The following LDB2 variants were observed in gnomAD, a reference collection of about 807,000 sequenced individuals.
LDB2 encodes LIM domain-binding protein 2.
Under a neutral mutation model 44.3 loss-of-function variants are expected in LDB2, and 12 were observed. The ratio of observed to expected loss-of-function variants is 0.27; its 90% confidence interval spans 0.17 to 0.44. The LOEUF is 0.44. Among genes scored for constraint, LDB2 ranks in the 20% least tolerant of loss-of-function variants. LDB2 has a pLI of 1.00. For missense variants in LDB2, 344 were observed against 473.5 expected (o/e 0.73, Z 2.54); for synonymous variants, 164 against 174.8 (o/e 0.94, Z 0.49).
chr4:16,638,753 G>A (rs1734313823), intron 2 of LDB2, among the ~76,000 whole-genome samples: 1 of 152,142 alleles, frequency 6.6e-6, no homozygotes, highest in South Asian at 2.1e-4. Flanking sequence ...CATAAAGGTA[G>A]GCACCTCACT....
intron 5 of LDB2, among the ~76,000 whole-genome samples, chr4:16,578,363 G>A (rs1443539500): frequency 6.6e-6 from 1 of 152,050 alleles, no homozygotes; most frequent in Non-Finnish European, 1.5e-5. Flanking sequence ...TACAGGAAAA[G>A]ATCTGATAAT....
intron 2 of LDB2, among the ~76,000 whole-genome samples, chr4:16,742,313 G>A (rs552196934): frequency 9.9e-5 from 15 of 152,000 alleles, no homozygotes; most frequent in Non-Finnish European, 1.0e-4. Flanking sequence ...CTTGTGATCC[G>A]CCCACCTTGG....
At chr4:16,843,410 G>A (rs150910302) in intron 1 of LDB2, among the ~76,000 whole-genome samples, 91 of 152,216 alleles carry the variant, frequency 6.0e-4, no homozygotes, top group African/African-American at 2.1e-3. Context: ...ACAACAAACA[G>A]TTGTAAATGA....
chr4:16,672,364 A>T (rs761302324), intron 2 of LDB2, among the ~76,000 whole-genome samples: 29 of 152,270 alleles, frequency 1.9e-4, no homozygotes, highest in Non-Finnish European at 3.2e-4. Flanking sequence ...AGGTTGCAGG[A>T]AGGGAACAGA....
intron 2 of LDB2, among the ~76,000 whole-genome samples, chr4:16,743,309 A>G (rs772097227): frequency 6.6e-6 from 1 of 151,982 alleles, no homozygotes; most frequent in African/African-American, 2.4e-5. Flanking sequence ...GCTTGTCAGG[A>G]TGTCTCATAT....
chr4:16,611,911 A>G (rs1160340598), intron 2 of LDB2, among the ~76,000 whole-genome samples: 1 of 152,214 alleles, frequency 6.6e-6, no homozygotes, highest in Non-Finnish European at 1.5e-5. Context: ...TAGAATATAC[A>G]TTCTTCTCAA....
chr4:16,610,164 T>C (rs10012468), intron 2 of LDB2, among the ~76,000 whole-genome samples: 151,508 of 151,996 alleles, frequency 1, 75,516 homozygotes, highest in Middle Eastern at 1. Flanking sequence ...GTGGCAACAA[T>C]AGCATCAACA....
intron 1 of LDB2, among the ~76,000 whole-genome samples, chr4:16,863,911 C>G (rs1023558873): frequency 3.3e-5 from 5 of 152,126 alleles, no homozygotes; most frequent in Non-Finnish European, 7.3e-5. Context: ...CCGCCCGCCT[C>G]GGCTTCCCGA....
At chr4:16,558,236 A>AAGGCTTC in intron 5 of LDB2, among the ~76,000 whole-genome samples, 1 of 152,330 alleles carries the variant, frequency 6.6e-6, no homozygotes, top group African/African-American at 2.4e-5. Context: ...CTGAGAGAAG[A>AAGGCTTC]AGGCTTCAGA....
chr4:16,824,110 C>T (rs1177603475), intron 1 of LDB2, among the ~76,000 whole-genome samples: 1 of 152,176 alleles, frequency 6.6e-6, no homozygotes, highest in Non-Finnish European at 1.5e-5. Flanking sequence ...AAGACACTAC[C>T]ATTCGCCACT....
At chr4:16,637,299 A>ATTTTTTTTTTGTTT (rs1733863273) in intron 2 of LDB2, among the ~76,000 whole-genome samples, 1 of 85,482 alleles carries the variant, frequency 1.2e-5, no homozygotes, top group African/African-American at 4.9e-5. Context: ...GCCTAGGCTG[A>ATTTTTTTTTTGTTT]TTTTTTTTTT....
intron 5 of LDB2, among the ~76,000 whole-genome samples, chr4:16,520,539 AACCGGGG>A (rs1054727203): frequency 1.3e-5 from 2 of 152,216 alleles, no homozygotes; most frequent in African/African-American, 4.8e-5. Context: ...CTGAAGATGC[AACCGGGG>A]GATGTGTTGC....
intron 5 of LDB2, among the ~76,000 whole-genome samples, chr4:16,576,297 G>A (rs1486864452): frequency 2.0e-5 from 3 of 151,116 alleles, no homozygotes; most frequent in Non-Finnish European, 4.4e-5. Flanking sequence ...GGAAATGAAG[G>A]TTGGTTTTTT....
chr4:16,555,590 T>G (rs1196301775), intron 5 of LDB2, among the ~76,000 whole-genome samples: 1 of 152,200 alleles, frequency 6.6e-6, no homozygotes, highest in Non-Finnish European at 1.5e-5. Flanking sequence ...TCCCCTGGCC[T>G]GGAATACCCT....
intron 1 of LDB2, among the ~76,000 whole-genome samples, chr4:16,783,208 A>G (rs1773679980): frequency 6.6e-6 from 1 of 152,264 alleles, no homozygotes; most frequent in African/African-American, 2.4e-5. Context: ...TCAGCAGGAC[A>G]GATTGACCCT....
chr4:16,876,125 T>C (rs558622375), intron 1 of LDB2, among the ~76,000 whole-genome samples: 7 of 152,324 alleles, frequency 4.6e-5, no homozygotes, highest in African/African-American at 1.4e-4. Context: ...TGCATTAGCA[T>C]GTTTCAGAAG....
chr4:16,769,669 A>T (rs1770212749), intron 1 of LDB2, among the ~76,000 whole-genome samples: 1 of 151,582 alleles, frequency 6.6e-6, no homozygotes, highest in Non-Finnish European at 1.5e-5. Context: ...CTAATTCTCA[A>T]CTGTGATTTG....
intron 2 of LDB2, among the ~76,000 whole-genome samples, chr4:16,687,875 A>G (rs1040239410): frequency 1.3e-5 from 2 of 152,232 alleles, no homozygotes; most frequent in African/African-American, 4.8e-5. Context: ...CATCATAAGC[A>G]AAAATATGGG....
At chr4:16,507,685 G>C (rs1033061049) in intron 7 of LDB2, among the ~76,000 whole-genome samples, 1 of 152,106 alleles carries the variant, frequency 6.6e-6, no homozygotes, top group Admixed American at 6.6e-5. Context: ...CCAAACACCT[G>C]GTGATAGGGT....
Sources: allele counts gnomAD v4.1 joint callset (sites outside exome capture counted in the v4.1 genomes callset), GRCh38; gene constraint gnomAD v4.1.1; transcripts MANE v1.5; gene names NCBI Gene and HGNC (gene_info 2026-07-23, HGNC 2026-07-21).